The following TCF4 variants were observed in gnomAD, a reference collection of about 807,000 sequenced individuals.
TCF4 encodes the protein transcription factor 4, also known as SL3-3 enhancer factor 2.
TCF4 carries 3 observed loss-of-function variants against 82.1 expected under a neutral mutation model. The observed-to-expected ratio is 0.04, with a 90% CI of 0.02 to 0.09. The LOEUF (loss-of-function observed/expected upper bound fraction) is 0.09, where lower values mean the gene tolerates loss of function less well. TCF4 is among the 10% of genes least tolerant of loss of function. The pLI, the probability that TCF4 is intolerant of heterozygous loss-of-function variation, is 1.00. For missense variants in TCF4, 518 were observed against 852.7 expected, an observed-to-expected ratio of 0.61 and a Z score of 4.89; for synonymous variants, 276 against 309.6, an observed-to-expected ratio of 0.89 and a Z score of 1.14.
chr18:55,265,248 G>A (rs1279409261), intron 11 of TCF4: 1 of 152,190 alleles, frequency 6.6e-6, no homozygotes, highest in East Asian at 1.9e-4. Context: ...GTGTTTGCCT[G>A]AGAGAAGATG....
At chr18:55,404,889 A>C (rs1165623417) in intron 5 of TCF4, among the ~76,000 whole-genome samples, 1 of 152,232 alleles carries the variant, frequency 6.6e-6, no homozygotes, top group African/African-American at 2.4e-5. Context: ...TAACTTTTCT[A>C]CTGATTTTAA....
intron 5 of TCF4, chr18:55,422,144 A>C (rs2094791704): frequency 2.2e-6 from 2 of 918,010 alleles, no homozygotes; most frequent in Non-Finnish European, 2.6e-6. Context: ...AAAAAAAAAA[A>C]AAAACCCACC....
intron 8 of TCF4, among the ~76,000 whole-genome samples, chr18:55,326,123 C>A (rs1013261746): frequency 6.6e-6 from 1 of 152,112 alleles, no homozygotes; most frequent in Non-Finnish European, 1.5e-5. Context: ...ACACTGGAAT[C>A]AGGGTGTGAG....
At chr18:55,549,403 T>C (rs1482733616) in intron 3 of TCF4, among the ~76,000 whole-genome samples, 4 of 152,216 alleles carry the variant, frequency 2.6e-5, no homozygotes, top group Non-Finnish European at 5.9e-5. Flanking sequence ...TGTAAAACTT[T>C]TTGACTCTTT....
chr18:55,342,628 C>G (rs1480439775), intron 8 of TCF4, among the ~76,000 whole-genome samples: 1 of 152,168 alleles, frequency 6.6e-6, no homozygotes, highest in Non-Finnish European at 1.5e-5. Context: ...GAGCTAAACA[C>G]TGCTGCCTCC....
intron 3 of TCF4, among the ~76,000 whole-genome samples, chr18:55,529,934 C>A (rs1320210544): frequency 1.3e-5 from 2 of 152,028 alleles, no homozygotes; most frequent in African/African-American, 4.8e-5. Context: ...TAGAAAAGGA[C>A]CTAACGCAGT....
chr18:55,527,328 G>C (rs1431870860), intron 3 of TCF4, among the ~76,000 whole-genome samples: 1 of 152,214 alleles, frequency 6.6e-6, no homozygotes, highest in Non-Finnish European at 1.5e-5. Flanking sequence ...GACTGTAACA[G>C]CTATCTGGAA....
chr18:55,481,078 T>G (rs1254280321), intron 3 of TCF4, among the ~76,000 whole-genome samples: 1 of 119,128 alleles, frequency 8.4e-6, no homozygotes, highest in Non-Finnish European at 1.6e-5. Context: ...CACTCCAACC[T>G]GGGCAACAGA....
chr18:55,443,538 T>C (rs1393838699), intron 5 of TCF4, among the ~76,000 whole-genome samples: 1 of 152,186 alleles, frequency 6.6e-6, no homozygotes, highest in Non-Finnish European at 1.5e-5. Flanking sequence ...GCTTTTGTTG[T>C]TGTTGTTCTT....
intron 8 of TCF4, among the ~76,000 whole-genome samples, chr18:55,313,449 G>C (rs1288392820): frequency 1.3e-5 from 2 of 151,982 alleles, no homozygotes; most frequent in African/African-American, 4.8e-5. Flanking sequence ...ACTCAAACTA[G>C]CCACTGGATG....
At chr18:55,399,514 G>A (rs1034242506) in intron 6 of TCF4, among the ~76,000 whole-genome samples, 2 of 152,136 alleles carry the variant, frequency 1.3e-5, no homozygotes, top group African/African-American at 4.8e-5. Flanking sequence ...GATATGGGCT[G>A]GGACATTCAG....
intron 3 of TCF4, chr18:55,482,011 T>G (rs1352948288): frequency 6.6e-6 from 1 of 152,176 alleles, no homozygotes; most frequent in Non-Finnish European, 1.5e-5. Context: ...TAATGACTGT[T>G]GTCAACAGCT....
At chr18:55,371,955 A>G (rs2089348353) in intron 6 of TCF4, among the ~76,000 whole-genome samples, 1 of 152,220 alleles carries the variant, frequency 6.6e-6, no homozygotes, top group South Asian at 2.1e-4. Flanking sequence ...GAATAAATAA[A>G]TAAAATGACT....
chr18:55,431,534 C>T (rs192627101), intron 5 of TCF4, among the ~76,000 whole-genome samples: 1 of 152,308 alleles, frequency 6.6e-6, no homozygotes, highest in East Asian at 1.9e-4. Context: ...CCCACCTCAG[C>T]CTCCAAAAGT....
At chr18:55,234,269 A>T in intron 16 of TCF4, 1 of 574,094 alleles carries the variant, frequency 1.7e-6, no homozygotes, top group Middle Eastern at 4.5e-4. Context: ...AAAATGTGGA[A>T]ATAGCTAAAA....
chr18:55,499,646 A>G (rs2096675257), intron 3 of TCF4, among the ~76,000 whole-genome samples: 1 of 152,222 alleles, frequency 6.6e-6, no homozygotes, highest in Admixed American at 6.5e-5. Context: ...AAGCTCCCCA[A>G]GTGATTCTAA....
chr18:55,390,319 G>GAAAAGAAAA (rs2092975797), intron 6 of TCF4, among the ~76,000 whole-genome samples: 1 of 126,918 alleles, frequency 7.9e-6, no homozygotes, highest in African/African-American at 3.0e-5. Context: ...AAGAAAGAAA[G>GAAAAGAAAA]AAAAGAAAAG....
chr18:55,403,864 T>C, intron 5 of TCF4: 1 of 1,468,194 alleles, frequency 6.8e-7, no homozygotes, highest in South Asian at 1.4e-5. Flanking sequence ...AGCAGGCAAA[T>C]TATCTATGTA....
chr18:55,425,814 G>A (rs1311090622), intron 5 of TCF4, among the ~76,000 whole-genome samples: 1 of 152,088 alleles, frequency 6.6e-6, no homozygotes, highest in Non-Finnish European at 1.5e-5. Context: ...TTGTTACAAT[G>A]AGCACAACAG....
Sources: gnomAD v4.1 joint callset for allele counts (sites outside exome capture counted in the v4.1 genomes callset) on GRCh38, gnomAD v4.1.1 for gene constraint, MANE v1.5 for transcripts, NCBI Gene and HGNC (gene_info 2026-07-23, HGNC 2026-07-21) for gene names.